The following MINDY4 variants were observed in gnomAD, a reference collection of about 807,000 sequenced individuals.
The protein encoded by MINDY4 is MINDY lysine 48 deubiquitinase 4.
In MINDY4, 68 loss-of-function variants were observed where a neutral mutation model predicts 87.0. The observed-to-expected ratio is 0.78, with a 90% confidence interval of 0.64 to 0.96. The LOEUF (loss-of-function observed/expected upper bound fraction) is 0.96, where lower values mean the gene tolerates loss of function less well. Among genes scored for constraint, MINDY4 ranks in the 40% least tolerant of loss-of-function variants. The pLI, the probability that MINDY4 is intolerant of heterozygous loss-of-function variation, is 0.00. For missense variants in MINDY4, 919 were observed against 928.2 expected, an observed-to-expected ratio of 0.99 and a Z score of 0.13; for synonymous variants, 379 against 363.2, an observed-to-expected ratio of 1.04 and a Z score of -0.50.
rs201332783 is a variant in MINDY4 at position 30,852,189 on chromosome 7, A to G, written c.1548-27A>G. On this transcript the variant is annotated intron_variant, in intron 10 of 17. Transcript: ENST00000265299. ...GGCACGCCTTCTCTCCACTCAGAGG[A>G]CTCATGCACCTTCCTTTCCTTTTTA... is the stretch of plus-strand genomic sequence containing the variant. 5.8e-4 allele frequency: 932 copies of G among 1,613,416 alleles called. 7 individuals are homozygous for G. In the Middle Eastern group the frequency reaches 7.3e-3, roughly 13 times the overall value.
At chr7:30,873,788 T>C (rs1232978886) in intron 14 of MINDY4, among the ~76,000 whole-genome samples, 3 of 152,148 alleles carry the variant, frequency 2.0e-5, no homozygotes, top group African/African-American at 4.8e-5. Flanking sequence ...AAAAACCAGA[T>C]GGGAAAACTC....
rs549471408 is a variant in MINDY4, at chr7:30,834,135, G to A, written c.1133-2523G>A. On this transcript the variant is annotated intron_variant, in intron 6 of 17. Coordinates refer to ENST00000265299, the MANE Select transcript of MINDY4 (RefSeq NM_032222.3). ...TGGTGCCCCCGTAGGGATTCTTTGTGGAGCCTCCATCCCCACATTTCCTTT... is the reference window on the plus strand; with the variant it reads ...TGGTGCCCCCGTAGGGATTCTTTGTAGAGCCTCCATCCCCACATTTCCTTT... Among the ~76,000 whole-genome samples, 50 of 152,350 alleles carry A rather than the reference G, an allele frequency of 3.3e-4. 1 individual carries two copies. Among genetic ancestry groups the A allele is most frequent in the Admixed American group, 5.2e-4 (8 of 15,310 alleles).
Position 30,778,475 on chromosome 7 carries a change from G to C in MINDY4, c.107G>C (p.Arg36Pro). 6.2e-7 allele frequency: 1 copy of C among 1,614,152 alleles called. No homozygotes were observed. The highest frequency in any genetic ancestry group is 8.5e-7 in the Non-Finnish European group (1 of 1,179,984). ...GTGACCATGGACCAGGAACGCCCAC[G>C]CTCTGACCTCAGCATAAACAACAGA... Reference protein sequence around the residue: ...TCVTMDQERPRSDLSINNRND... With the variant: ...TCVTMDQERPPSDLSINNRND... The change falls in exon 2 of 18, where the codon CGC becomes CCC. Residue 36 changes from arginine (R) to proline (P), a missense_variant. Arg to Pro is a moderately radical substitution (Grantham distance 103, BLOSUM62 -2). Coordinates refer to ENST00000265299, the MANE Select transcript of MINDY4 (RefSeq NM_032222.3).
intron 10 of MINDY4, among the ~76,000 whole-genome samples, chr7:30,851,525 C>A (rs1184241105): frequency 6.6e-6 from 1 of 152,202 alleles, no homozygotes; most frequent in Non-Finnish European, 1.5e-5. Flanking sequence ...ACATACTAAG[C>A]ACCACGTTTT....
chr7:30,870,127 G>A (rs1387784980), intron 13 of MINDY4, among the ~76,000 whole-genome samples: 1 of 152,156 alleles, frequency 6.6e-6, no homozygotes, highest in African/African-American at 2.4e-5. Flanking sequence ...TTCCCATCGT[G>A]TTTGCACCTA....
In MINDY4 at chr7:30,847,011, G is replaced by C. The variant is rs542798384; in HGVS notation, c.1446-3443G>C. ...CAGACCAGTGCCAGTCTGTGGCCTG[G>C]GGGTTGGGAACTCCTGGGTTAAAGA... On this transcript the variant is annotated intron_variant, in intron 9 of 17. Transcript: ENST00000265299. Among the ~76,000 whole-genome samples the C allele has an allele frequency of 7.2e-5, 11 of 152,204 alleles. No homozygotes were observed. In the East Asian group the frequency reaches 2.1e-3, roughly 29 times the overall value.
rs146508907 is a variant in MINDY4, at chr7:30,861,732, C to G, written c.1745+2408C>G. On this transcript the variant is annotated intron_variant, in intron 13 of 17. Transcript: ENST00000265299. ...TGGCCACGGCTGGTCCAACCGTATC[C>G]CAGGAGCTCAGATGGCTCTGTGTGT... Among the ~76,000 whole-genome samples, 70 of 152,332 alleles carry G rather than the reference C, an allele frequency of 4.6e-4. 1 individual carries two copies. In the East Asian group the frequency reaches 0.012, roughly 27 times the overall value.
chr7:30,875,626 A>G lies in MINDY4; in HGVS notation c.1941A>G (p.Leu647=), dbSNP rs1231962765. 1.2e-6 allele frequency: 2 copies of G among 1,613,782 alleles called. No individual in the cohort carries two copies. The highest frequency in any genetic ancestry group is 1.7e-5 in the Admixed American group (1 of 60,014). ...GIAARSDIGF[L]SLFEHYNMCQ... ...CTGCACGCAGTGATATTGGCTTCTT[A>G]TCTCTCTTTGAGCATTACAACATGT... Residue 647 remains leucine, a synonymous_variant, in exon 15 of 18, where the codon TTA becomes TTG. Transcript: ENST00000265299.
intron 6 of MINDY4, 141 bp downstream of exon 6, chr7:30,828,878 G>C: frequency 1.4e-6 from 1 of 698,614 alleles, no homozygotes; most frequent in Non-Finnish European, 2.5e-6. Flanking sequence ...GAGTAGAGTA[G>C]ACTACTCTCT....
In MINDY4 at chr7:30,828,660, G is replaced by A. The variant is rs1217740955; in HGVS notation, c.1074-19G>A. ...CTCTGTCAGTCTCCTCTGGTACATT[G>A]ATATTTTCTATTTTCCAGGAAAAAT... On this transcript the variant is annotated intron_variant, in intron 5 of 17. Coordinates refer to ENST00000265299, the MANE Select transcript of MINDY4 (RefSeq NM_032222.3). The A allele has an allele frequency of 1.2e-6, 2 of 1,613,264 alleles. No individual in the cohort carries two copies. The highest frequency in any genetic ancestry group is 2.2e-5 in the East Asian group (1 of 44,884).
chr7:30,848,300 A>T (rs780652146), intron 9 of MINDY4, among the ~76,000 whole-genome samples: 3 of 152,156 alleles, frequency 2.0e-5, no homozygotes, highest in Non-Finnish European at 4.4e-5. Flanking sequence ...TGCAATGGTG[A>T]TTGGACGGTG....
intron 8 of MINDY4, 60 bp from the exon 9 acceptor site, chr7:30,840,700 A>C: frequency 6.5e-7 from 1 of 1,549,390 alleles, no homozygotes; most frequent in Non-Finnish European, 8.9e-7. Context: ...GGTTTGGGTG[A>C]AACCAAAAAC....
chr7:30,805,569 C>T (rs533360486), intron 5 of MINDY4, among the ~76,000 whole-genome samples: 121 of 152,012 alleles, frequency 8.0e-4, no homozygotes, highest in Non-Finnish European at 1.1e-3. Context: ...CCACCCAAGG[C>T]GAGGGAAGAG....
chr7:30,873,701 C>T (rs539641260), intron 14 of MINDY4, among the ~76,000 whole-genome samples: 105 of 152,320 alleles, frequency 6.9e-4, no homozygotes, highest in African/African-American at 2.0e-3. Context: ...GCCCCTTCTT[C>T]ACCATCTCAA....
Position 30,892,032 on chromosome 7 carries a change from T to C in MINDY4, c.*27T>C. 1 of 1,613,428 alleles carries C rather than the reference T, an allele frequency of 6.2e-7. No homozygotes were observed. Among genetic ancestry groups the C allele is most frequent in the Non-Finnish European group, 8.5e-7 (1 of 1,179,398 alleles). ...CGTTGGATGTGGGTAAACCCTGTGG[T>C]CCACCACTCATCACCTCATCACCGA... On this transcript the variant is annotated 3_prime_UTR_variant, in exon 18 of 18. Transcript: ENST00000265299.
chr7:30,804,029 C>A (rs1787735140), intron 5 of MINDY4, among the ~76,000 whole-genome samples: 1 of 152,192 alleles, frequency 6.6e-6, no homozygotes, highest in African/African-American at 2.4e-5. Context: ...GGGTGTATGC[C>A]TTCCCTCATG....
At chr7:30,800,104 T>A (rs750258931) in intron 5 of MINDY4, among the ~76,000 whole-genome samples, 4 of 152,154 alleles carry the variant, frequency 2.6e-5, no homozygotes, top group Non-Finnish European at 5.9e-5. Flanking sequence ...CAGCTGACAT[T>A]GACAGCAGCT....
intron 5 of MINDY4, among the ~76,000 whole-genome samples, chr7:30,806,431 A>G (rs1339582015): frequency 6.6e-6 from 1 of 152,272 alleles, no homozygotes; most frequent in Non-Finnish European, 1.5e-5. Context: ...TGGTTATTTT[A>G]ATAAATATTA....
rs531167676 is a variant in MINDY4, at chr7:30,887,641, G to T, written c.2226-4316G>T. Among the ~76,000 whole-genome samples the T allele has an allele frequency of 3.3e-5, 5 of 152,338 alleles. No individual in the cohort carries two copies. In the East Asian group the frequency reaches 9.7e-4, roughly 29 times the overall value. On this transcript the variant is annotated intron_variant, in intron 17 of 17. Transcript: ENST00000265299. ...GAGGGCGGGGCCACTCCCTAAGCAG[G>T]CGTCCAGGAGGAACAGCTGGCCTGG...
Sources: gnomAD v4.1 joint callset for allele counts (sites outside exome capture counted in the v4.1 genomes callset) on GRCh38, gnomAD v4.1.1 for gene constraint, MANE v1.5 for transcripts, NCBI Gene and HGNC (gene_info 2026-07-23, HGNC 2026-07-21) for gene names.